Variants in MINK1 observed in about 807,000 individuals in gnomAD.
MINK1 encodes the protein misshapen like kinase 1, also known as misshapen-like kinase 1.
A neutral mutation model predicts 178.4 loss-of-function variants in MINK1; 46 were observed. The ratio of observed to expected loss-of-function variants is 0.26; its 90% confidence interval spans 0.20 to 0.33. The LOEUF is 0.33. MINK1 is among the 10% of genes least tolerant of loss of function. MINK1 has a pLI of 1.00. For synonymous variants in MINK1, 797 were observed against 709.7 expected, an observed-to-expected ratio of 1.12 and a Z score of -1.96; for missense variants, 1,366 against 1,814.9, an observed-to-expected ratio of 0.75 and a Z score of 4.49.
intron 1 of MINK1, among the ~76,000 whole-genome samples, chr17:4,876,193 G>A (rs566644585): frequency 6.6e-6 from 1 of 152,230 alleles, no homozygotes; most frequent in South Asian, 2.1e-4. Context: ...AGAGCACAGA[G>A]AAGGAACCCC....
intron 3 of MINK1, 30 bp from the exon 4 acceptor site, chr17:4,881,102 C>T (rs746130329): frequency 6.5e-7 from 1 of 1,536,822 alleles, no homozygotes; most frequent in South Asian, 1.2e-5. Context: ...TTGGGGGAGT[C>T]TCAGGGCTCA....
intron 1 of MINK1, among the ~76,000 whole-genome samples, chr17:4,855,769 C>CA (rs1226267230): frequency 0.015 from 742 of 49,808 alleles, 12 homozygotes; most frequent in African/African-American, 0.044. Flanking sequence ...GACTCCGTCT[C>CA]AAAAAAAAAA....
At chr17:4,851,898 G>GC (rs1912023360) in intron 1 of MINK1, among the ~76,000 whole-genome samples, 1 of 151,430 alleles carries the variant, frequency 6.6e-6, no homozygotes, top group Admixed American at 6.6e-5. Context: ...TACTTGGGAG[G>GC]CTGGGACAGG....
chr17:4,881,496 G>A (rs940298076), intron 4 of MINK1, among the ~76,000 whole-genome samples: 19 of 152,158 alleles, frequency 1.2e-4, no homozygotes, highest in Admixed American at 1.1e-3. Flanking sequence ...GGGTCCTGGC[G>A]TTTGCCCCAA....
chr17:4,896,650 C>T lies in MINK1; in HGVS notation c.3776-24C>T. On this transcript the variant is annotated intron_variant, in intron 30 of 31. Transcript: ENST00000355280. This position sits in a 1 kb window ranked among gnomAD's most constrained non-coding sequence, Gnocchi z 4.6. ...AGGTGGCCCCGGGGTGCAGCCTGCT[C>T]AGCCCCTCACCTGTTCCCCACAGCC... is the stretch of plus-strand genomic sequence containing the variant. 1 of 1,606,682 alleles carries T rather than the reference C, an allele frequency of 6.2e-7. No homozygotes were observed. Among genetic ancestry groups the T allele is most frequent in the Non-Finnish European group, 8.5e-7 (1 of 1,175,582 alleles).
At chr17:4,864,341 G>A (rs1914617004) in intron 1 of MINK1, among the ~76,000 whole-genome samples, 1 of 151,712 alleles carries the variant, frequency 6.6e-6, no homozygotes, top group Non-Finnish European at 1.5e-5. Flanking sequence ...GGAGGTTGCA[G>A]TGAGCCGAAA....
In MINK1 at chr17:4,893,470, G is replaced by A; in HGVS notation, c.2437G>A (p.Ala813Thr). The A allele has an allele frequency of 6.3e-7, 1 of 1,594,128 alleles. No homozygotes were observed. Among genetic ancestry groups the A allele is most frequent in the Non-Finnish European group, 8.6e-7 (1 of 1,164,466 alleles). ...VLLKERTLDE[A>T]PRPPKKAMDY... ...GCTGAAAGAGCGGACTCTGGACGAG[G>A]CCCCTCGGCCTCCCAAGAAGGCCAT... The change falls in exon 21 of 32, where the codon GCC becomes ACC. Residue 813 changes from alanine (A) to threonine (T), a missense_variant. By Grantham distance (58) the Ala-to-Thr change is moderately conservative (BLOSUM62 0). Coordinates refer to ENST00000355280, the MANE Select transcript of MINK1 (RefSeq NM_153827.5).
intron 1 of MINK1, chr17:4,844,460 G>A (rs1362878215): frequency 4.4e-6 from 2 of 457,074 alleles, no homozygotes; most frequent in Non-Finnish European, 8.8e-6. Context: ...CAGTCTGTAT[G>A]AGAGATAGTT....
rs780720848 is a variant in MINK1, at chr17:4,886,416, G to A, written c.774-35G>A. The A allele has an allele frequency of 6.3e-7, 1 of 1,580,448 alleles. No individual in the cohort carries two copies. Among genetic ancestry groups the A allele is most frequent in the Non-Finnish European group, 8.6e-7 (1 of 1,161,966 alleles). On this transcript the variant is annotated intron_variant, in intron 9 of 31. Transcript: ENST00000355280. This position sits in a 1 kb window ranked among gnomAD's most constrained non-coding sequence, Gnocchi z 6.1. Reference sequence around the variant, plus strand: ...TCCTCCTGCACCCATCCCTTCTGAGGGGACCCTCCCAGTGTGAGCCACCAC... The same window carrying A: ...TCCTCCTGCACCCATCCCTTCTGAGAGGACCCTCCCAGTGTGAGCCACCAC...
chr17:4,842,221 C>CG (rs1910350051), intron 1 of MINK1, among the ~76,000 whole-genome samples: 1 of 62,660 alleles, frequency 1.6e-5, no homozygotes, highest in Non-Finnish European at 3.6e-5. Flanking sequence ...GAGACTCTGT[C>CG]CAAAAAAAAA....
chr17:4,880,178 T>A (rs1415097148), intron 2 of MINK1, among the ~76,000 whole-genome samples: 1 of 152,168 alleles, frequency 6.6e-6, no homozygotes, highest in Admixed American at 6.6e-5. Context: ...AACTTGGAAG[T>A]CCACTGTAGG....
chr17:4,859,995 C>T (rs527730195), intron 1 of MINK1, among the ~76,000 whole-genome samples: 93 of 151,218 alleles, frequency 6.2e-4, no homozygotes, highest in African/African-American at 2.3e-3. Context: ...GCATGCGGAG[C>T]GGGGTACAGA....
At chr17:4,834,901 G>C in intron 1 of MINK1, 3 of 519,166 alleles carry the variant, frequency 5.8e-6, no homozygotes, top group Non-Finnish European at 1.2e-5. Context: ...CTGGAGGGGA[G>C]AGGGGAATTG....
chr17:4,895,668 G>A lies in MINK1; in HGVS notation c.3230-30G>A. ...CATTCGGGCCTCAGATGAGAATGGG[G>A]GCGGGTGTGTATGTCTGTCCGTCCC... On this transcript the variant is annotated intron_variant, in intron 26 of 31. Transcript: ENST00000355280. The surrounding 1 kb of genome is among the most constrained non-coding windows in gnomAD (Gnocchi z 4.3). 1 of 1,609,640 alleles carries A rather than the reference G, an allele frequency of 6.2e-7. No individual in the cohort carries two copies. The highest frequency in any genetic ancestry group is 8.5e-7 in the Non-Finnish European group (1 of 1,177,614).
At chr17:4,881,359 AC>A in intron 4 of MINK1, 102 bp downstream of exon 4, 2 of 1,313,758 alleles carry the variant, frequency 1.5e-6, no homozygotes, top group Non-Finnish European at 2.1e-6. Context: ...CTTGCCAGCT[AC>A]CCTCCCTCCG....
At position 4,896,971 on chromosome 17, in the gene MINK1, TC is replaced by T; in HGVS notation, c.3915+161del. On this transcript the variant is annotated intron_variant, in intron 31 of 31. Transcript: ENST00000355280. This position sits in a 1 kb window ranked among gnomAD's most constrained non-coding sequence, Gnocchi z 4.6. ...GTCAGCCACTACCACTGCCCTGCGCTCCCTTCAGATTCCGAGGACTTCCCAG... is the reference window on the plus strand; with the variant it reads ...GTCAGCCACTACCACTGCCCTGCGCTCCTTCAGATTCCGAGGACTTCCCAG... 9.1e-7 allele frequency: 1 copy of T among 1,092,922 alleles called. No individual in the cohort carries two copies. The highest frequency in any genetic ancestry group is 1.3e-6 in the Non-Finnish European group (1 of 777,156). The allele number at this position is 1,092,922 out of a possible 1,614,324, so 67.7% of individuals were successfully genotyped here.
chr17:4,868,228 C>T (rs907418452), intron 1 of MINK1, among the ~76,000 whole-genome samples: 1 of 152,184 alleles, frequency 6.6e-6, no homozygotes, highest in Non-Finnish European at 1.5e-5. Context: ...CCACCTTCCT[C>T]GACCTCCCAA....
Position 4,838,210 on chromosome 17 carries a change from G to A in MINK1, c.57+4570G>A, listed in dbSNP as rs561359243. Among the ~76,000 whole-genome samples, 7 of 152,318 alleles carry A rather than the reference G, an allele frequency of 4.6e-5. No individual in the cohort carries two copies. The South Asian group carries it at 1.2e-3, about 27-fold the overall frequency. ...TCGAGGCATTTAGATGAAGTGAAAT[G>A]CTGCCTTGGCAAAATGACGGAAGGA... is the stretch of plus-strand genomic sequence containing the variant. On this transcript the variant is annotated intron_variant, in intron 1 of 31. Transcript: ENST00000355280.
intron 1 of MINK1, among the ~76,000 whole-genome samples, chr17:4,862,515 C>G: frequency 6.6e-6 from 1 of 152,168 alleles, no homozygotes; most frequent in Non-Finnish European, 1.5e-5. Context: ...ACTAGCCTGG[C>G]GTGGTGGCGG....
Sources: gnomAD v4.1 joint callset for allele counts (sites outside exome capture counted in the v4.1 genomes callset) on GRCh38, gnomAD v4.1.1 for gene constraint, Gnocchi (gnomAD v3.1) non-coding constraint, MANE v1.5 for transcripts, NCBI Gene and HGNC (gene_info 2026-07-23, HGNC 2026-07-21) for gene names.